The following GPC5 variants were observed in gnomAD, a reference collection of about 807,000 sequenced individuals.
The protein encoded by GPC5 is glypican-5.
GPC5 carries 47 observed loss-of-function variants against 53.9 expected under a neutral mutation model. That is an observed-to-expected ratio of 0.87 (90% confidence interval 0.69 to 1.11). The LOEUF (loss-of-function observed/expected upper bound fraction) is 1.11. GPC5 is among the 50% of genes most tolerant of loss of function. GPC5 has a pLI of 0.00. For synonymous variants in GPC5, 286 were observed against 263.3 expected (o/e 1.09, Z -0.84); for missense variants, 748 against 713.1 (o/e 1.05, Z -0.56).
intron 7 of GPC5, among the ~76,000 whole-genome samples, chr13:92,728,847 T>C (rs1178588089): frequency 6.6e-6 from 1 of 151,394 alleles, no homozygotes; most frequent in Non-Finnish European, 1.5e-5. Context: ...AATTACTCAA[T>C]TTTAAAGTTG....
At chr13:92,266,920 C>T (rs900885303) in intron 7 of GPC5, among the ~76,000 whole-genome samples, 13 of 151,408 alleles carry the variant, frequency 8.6e-5, no homozygotes, top group African/African-American at 1.7e-4. Flanking sequence ...CTTAATGACA[C>T]GGAGCACTGC....
chr13:92,633,940 T>C (rs1885337627), intron 7 of GPC5, among the ~76,000 whole-genome samples: 2 of 152,090 alleles, frequency 1.3e-5, no homozygotes, highest in Admixed American at 6.6e-5. Flanking sequence ...GTAGTTATTA[T>C]GTTAAGACAT....
intron 7 of GPC5, among the ~76,000 whole-genome samples, chr13:92,550,155 A>T (rs1365091853): frequency 6.6e-6 from 1 of 151,818 alleles, no homozygotes; most frequent in African/African-American, 2.4e-5. Context: ...CATTTATATT[A>T]CTTAGATGTA....
chr13:92,165,356 A>C (rs529913266), intron 7 of GPC5, among the ~76,000 whole-genome samples: 2 of 152,290 alleles, frequency 1.3e-5, no homozygotes, highest in East Asian at 3.9e-4. Flanking sequence ...GTACCAATTT[A>C]TTGTATTAGT....
At chr13:92,390,184 T>C (rs539471958) in intron 7 of GPC5, among the ~76,000 whole-genome samples, 1 of 152,244 alleles carries the variant, frequency 6.6e-6, no homozygotes, top group East Asian at 1.9e-4. Flanking sequence ...GGTATTAAAC[T>C]GAAGAAAGAT....
intron 6 of GPC5, among the ~76,000 whole-genome samples, chr13:91,998,994 T>TA (rs1050426159): frequency 6.6e-6 from 1 of 152,118 alleles, no homozygotes; most frequent in Non-Finnish European, 1.5e-5. Context: ...AGAACTTCAA[T>TA]AAAAAATATA....
intron 7 of GPC5, among the ~76,000 whole-genome samples, chr13:92,714,493 G>A (rs1041172534): frequency 6.6e-6 from 1 of 152,040 alleles, no homozygotes; most frequent in African/African-American, 2.4e-5. Flanking sequence ...TCAACAACCA[G>A]GAGAAAACAA....
At chr13:92,548,659 A>G (rs994146111) in intron 7 of GPC5, among the ~76,000 whole-genome samples, 2 of 152,090 alleles carry the variant, frequency 1.3e-5, no homozygotes, top group African/African-American at 2.4e-5. Flanking sequence ...AGACATAAAA[A>G]GTTTAAAACT....
chr13:91,421,684 G>A (rs974758683), intron 1 of GPC5, among the ~76,000 whole-genome samples: 5 of 152,204 alleles, frequency 3.3e-5, no homozygotes, highest in East Asian at 1.9e-4. Context: ...ACAGTTGGCT[G>A]TAACTTGTAA....
chr13:92,178,556 C>T (rs934512733), intron 7 of GPC5, among the ~76,000 whole-genome samples: 2 of 151,066 alleles, frequency 1.3e-5, no homozygotes, highest in Non-Finnish European at 2.9e-5. Flanking sequence ...ATTTATATGC[C>T]AGCTCCTTAA....
intron 7 of GPC5, among the ~76,000 whole-genome samples, chr13:92,339,304 C>T (rs111545172): frequency 0.026 from 3,875 of 151,694 alleles, 61 homozygotes; most frequent in Non-Finnish European, 0.042. Flanking sequence ...TTTATTATGT[C>T]GTGATGTGTT....
At chr13:91,566,682 TA>T (rs1472415286) in intron 2 of GPC5, among the ~76,000 whole-genome samples, 5 of 152,188 alleles carry the variant, frequency 3.3e-5, no homozygotes. Context: ...AATCCTTACA[TA>T]AATTTTTGAG....
intron 7 of GPC5, among the ~76,000 whole-genome samples, chr13:92,385,607 A>G (rs1363997023): frequency 9.9e-5 from 14 of 142,042 alleles, no homozygotes; most frequent in East Asian, 6.1e-4. Context: ...ACATATATAC[A>G]CATATACATA....
chr13:91,540,025 A>G (rs1300863547), intron 2 of GPC5, among the ~76,000 whole-genome samples: 5 of 152,214 alleles, frequency 3.3e-5, no homozygotes, highest in Non-Finnish European at 7.3e-5. Context: ...AGCAACAAAA[A>G]TTTTAAAATG....
In GPC5 at chr13:91,756,309, G is replaced by A. The variant is rs759578084; in HGVS notation, c.1169G>A (p.Ser390Asn). The change falls in exon 5 of 8, where the codon AGC (serine) becomes AAC (asparagine). Residue 390 changes from serine (S) to asparagine (N), a missense_variant. Transcript: ENST00000377067. ...LANRRKEFINSLRLYRSFYGG... is the reference protein window; with the variant it reads ...LANRRKEFINNLRLYRSFYGG... ...CTTTCATTTAGAGAATTTATCAACA[G>A]CCTTCGACTGTACAGGTCATTCTAT... 7 of 1,530,900 alleles carry A rather than the reference G, an allele frequency of 4.6e-6. No homozygotes were observed. Among genetic ancestry groups the A allele is most frequent in the South Asian group, 1.3e-5 (1 of 79,198 alleles). 94.8% of individuals were successfully genotyped at this position (1,530,900 alleles called of 1,614,324 possible).
chr13:92,859,414 A>C (rs1428571262), intron 7 of GPC5, among the ~76,000 whole-genome samples: 1 of 152,084 alleles, frequency 6.6e-6, no homozygotes, highest in East Asian at 1.9e-4. Flanking sequence ...GACTATCACT[A>C]CCATATGTCG....
rs563414848 is a variant in GPC5, at chr13:92,486,108, C to A, written c.1561+341119C>A. ...TTAATACATGCAACTGTCACATGCT[C>A]CATCACATTCTGTATTGTCTCCCTA... On this transcript the variant is annotated intron_variant, in intron 7 of 7. Coordinates refer to ENST00000377067, the MANE Select transcript of GPC5 (RefSeq NM_004466.6). Among the ~76,000 whole-genome samples, 8 of 152,308 alleles carry A rather than the reference C, an allele frequency of 5.3e-5. No individual in the cohort carries two copies. The South Asian group carries it at 1.0e-3, about 20-fold the overall frequency.
intron 7 of GPC5, among the ~76,000 whole-genome samples, chr13:92,187,419 A>G (rs113314773): frequency 4.4e-3 from 666 of 152,334 alleles, no homozygotes; most frequent in Admixed American, 6.9e-3. Flanking sequence ...AAATCAAACT[A>G]TGGTCTCAAT....
Position 92,186,208 on chromosome 13 carries a change from T to C in GPC5, c.1561+41219T>C, listed in dbSNP as rs117038072. Among the ~76,000 whole-genome samples, 509 of 151,998 alleles carry C rather than the reference T, an allele frequency of 3.3e-3. 1 individual carries two copies. The highest frequency in any genetic ancestry group is 5.7e-3 in the Non-Finnish European group (386 of 67,912). The stretch of plus-strand genomic sequence containing the variant: ...ATCTTCTGAATATTTTATAGATATA[T>C]AATTTTTAATAATTTTTAACAAATA... On this transcript the variant is annotated intron_variant, in intron 7 of 7. Transcript: ENST00000377067.
Sources: gnomAD v4.1 joint callset for allele counts (sites outside exome capture counted in the v4.1 genomes callset) on GRCh38, gnomAD v4.1.1 for gene constraint, MANE v1.5 for transcripts, NCBI Gene and HGNC (gene_info 2026-07-23, HGNC 2026-07-21) for gene names.